Variants in NRG1 observed in about 807,000 individuals in gnomAD.
NRG1 encodes neuregulin 1.
A neutral mutation model predicts 63.8 loss-of-function variants in NRG1; 18 were observed. The ratio of observed to expected loss-of-function variants is 0.28; its 90% CI spans 0.19 to 0.42. The LOEUF (loss-of-function observed/expected upper bound fraction) is 0.42. NRG1 is among the 10% of genes least tolerant of loss of function. The pLI is 1.00. For synonymous variants in NRG1, 302 were observed against 301.3 expected (o/e 1.00, Z -0.02); for missense variants, 762 against 814.7 (o/e 0.94, Z 0.79).
chr8:32,704,179 C>T (rs1361054373), intron 5 of NRG1, among the ~76,000 whole-genome samples: 3 of 152,172 alleles, frequency 2.0e-5, no homozygotes, highest in Non-Finnish European at 4.4e-5. Flanking sequence ...CTTTCTATCT[C>T]CCATCTCCCA....
intron 1 of NRG1, among the ~76,000 whole-genome samples, chr8:32,384,696 C>G (rs1810763466): frequency 2.0e-5 from 3 of 152,220 alleles, no homozygotes; most frequent in Admixed American, 2.0e-4. Context: ...GAAACTGAGT[C>G]TTAAAATCCA....
chr8:31,904,716 G>A (rs1234174990), intron 1 of NRG1, among the ~76,000 whole-genome samples: 1 of 152,124 alleles, frequency 6.6e-6, no homozygotes, highest in African/African-American at 2.4e-5. Context: ...ACAAGATCAT[G>A]CCCAGTGCAG....
At chr8:32,773,810 G>A (rs11780123) in intron 7 of NRG1, among the ~76,000 whole-genome samples, 121,120 of 151,940 alleles carry the variant, frequency 0.8, 49,382 homozygotes, top group Middle Eastern at 0.91. Context: ...GACATAGGAG[G>A]CCCTTCACAA....
intron 1 of NRG1, among the ~76,000 whole-genome samples, chr8:31,685,755 T>C (rs1585656333): frequency 1.3e-5 from 2 of 152,296 alleles, no homozygotes; most frequent in South Asian, 4.1e-4. Flanking sequence ...TGGAATCATA[T>C]ATGAAGTGGC....
In NRG1 at chr8:32,237,925, TTTGAAAGCCTGAGATACATA is replaced by T. The variant is rs374266009; in HGVS notation, c.38-357901_38-357882del. 4.7e-3 allele frequency among the ~76,000 whole-genome samples: 712 copies of T among 152,308 alleles called. 3 individuals are homozygous for T. Among genetic ancestry groups the T allele is most frequent in the South Asian group, 0.023 (113 of 4,824 alleles). On this transcript the variant is annotated intron_variant, in intron 1 of 10. Transcript: ENST00000519301. Reference sequence around the variant, plus strand: ...TTCACTAACTATTTATAAGACCATCTTTGAAAGCCTGAGATACATATCTAGGCAAATATCCATGGAAAAAA... The same window carrying T: ...TTCACTAACTATTTATAAGACCATCTTCTAGGCAAATATCCATGGAAAAAA...
chr8:32,018,655 T>C (rs118060503), intron 1 of NRG1, among the ~76,000 whole-genome samples: 2,201 of 152,332 alleles, frequency 0.014, 15 homozygotes, highest in Middle Eastern at 0.037. Context: ...TATGTTGTTT[T>C]TTCACTGTCA....
At chr8:31,655,498 A>C (rs1332145749) in intron 1 of NRG1, among the ~76,000 whole-genome samples, 1 of 152,140 alleles carries the variant, frequency 6.6e-6, no homozygotes, top group Non-Finnish European at 1.5e-5. Flanking sequence ...TGGGGCAGAG[A>C]AGGTGAGGAA....
At chr8:32,264,013 T>C (rs1394029971) in intron 1 of NRG1, among the ~76,000 whole-genome samples, 1 of 152,182 alleles carries the variant, frequency 6.6e-6, no homozygotes, top group East Asian at 1.9e-4. Context: ...AAATGGGATC[T>C]GAGGCCAACA....
intron 1 of NRG1, among the ~76,000 whole-genome samples, chr8:31,755,920 G>A (rs960763542): frequency 1.3e-5 from 2 of 152,102 alleles, no homozygotes; most frequent in African/African-American, 4.8e-5. Context: ...GCTTGTTTAT[G>A]GTGGTTAAGA....
chr8:32,414,647 G>A (rs970805459), intron 1 of NRG1, among the ~76,000 whole-genome samples: 2 of 152,154 alleles, frequency 1.3e-5, no homozygotes, highest in African/African-American at 4.8e-5. Context: ...CCTGTTTGTG[G>A]TACTTTATTT....
chr8:32,637,342 T>A (rs1851528059), intron 5 of NRG1, among the ~76,000 whole-genome samples: 1 of 152,166 alleles, frequency 6.6e-6, no homozygotes, highest in Admixed American at 6.5e-5. Context: ...AACATGTAGG[T>A]CATGGATTAT....
chr8:32,592,856 A>C (rs947785581), intron 1 of NRG1, among the ~76,000 whole-genome samples: 2 of 152,150 alleles, frequency 1.3e-5, no homozygotes, highest in African/African-American at 4.8e-5. Context: ...ATTTAAGTAT[A>C]ACTTTTGACT....
At chr8:32,454,229 C>T (rs560204577) in intron 1 of NRG1, among the ~76,000 whole-genome samples, 5 of 152,180 alleles carry the variant, frequency 3.3e-5, no homozygotes, top group African/African-American at 9.6e-5. Flanking sequence ...TTTCCTTTCT[C>T]TTTTATGTGA....
chr8:31,950,448 A>T (rs2129623042), intron 1 of NRG1, among the ~76,000 whole-genome samples: 1 of 152,354 alleles, frequency 6.6e-6, no homozygotes, highest in African/African-American at 2.4e-5. Flanking sequence ...GTTGACAAAG[A>T]AACAGCTTTC....
At chr8:31,726,355 A>C (rs2131331394) in intron 1 of NRG1, among the ~76,000 whole-genome samples, 1 of 152,340 alleles carries the variant, frequency 6.6e-6, no homozygotes, top group South Asian at 2.1e-4. Flanking sequence ...CCTGGCAGCA[A>C]GTAGTCTTGA....
intron 1 of NRG1, among the ~76,000 whole-genome samples, chr8:31,911,770 T>C (rs1158608362): frequency 6.6e-6 from 1 of 152,200 alleles, no homozygotes; most frequent in Non-Finnish European, 1.5e-5. Flanking sequence ...AAGAATCACG[T>C]TCAAAGAGTA....
intron 1 of NRG1, among the ~76,000 whole-genome samples, chr8:31,693,929 G>A (rs2131146075): frequency 6.6e-6 from 1 of 152,156 alleles, no homozygotes; most frequent in South Asian, 2.1e-4. Flanking sequence ...CCTCCTCCTT[G>A]CCAGCTCAAG....
intron 1 of NRG1, among the ~76,000 whole-genome samples, chr8:32,277,010 A>T (rs1852179820): frequency 6.6e-6 from 1 of 152,138 alleles, no homozygotes; most frequent in Non-Finnish European, 1.5e-5. Context: ...AGGCCTTTTG[A>T]TGGTTGGTGA....
At chr8:32,636,218 G>T (rs1396565704) in intron 5 of NRG1, among the ~76,000 whole-genome samples, 1 of 152,014 alleles carries the variant, frequency 6.6e-6, no homozygotes, top group Admixed American at 6.6e-5. Flanking sequence ...GGGCGCAGGG[G>T]GTGGGGGCAA....
Sources: gnomAD v4.1 joint callset for allele counts (sites outside exome capture counted in the v4.1 genomes callset) on GRCh38, gnomAD v4.1.1 for gene constraint, MANE v1.5 for transcripts, NCBI Gene and HGNC (gene_info 2026-07-23, HGNC 2026-07-21) for gene names.